The following NPAS3 variants were observed in gnomAD, a reference collection of about 807,000 sequenced individuals.
The protein encoded by NPAS3 is neuronal PAS domain-containing protein 3.
Under a neutral mutation model 73.1 loss-of-function variants are expected in NPAS3, and 14 were observed. That is an observed-to-expected ratio of 0.19 (90% CI 0.13 to 0.30). NPAS3 has a LOEUF of 0.30. Ranked by LOEUF, NPAS3 falls within the 10% of genes least tolerant of loss-of-function variation. The pLI is 1.00. For missense variants in NPAS3, 1,096 were observed against 1,250.0 expected (o/e 0.88, Z 1.86); for synonymous variants, 620 against 541.5 (o/e 1.14, Z -2.01).
chr14:33,466,020 G>A (rs749614153), intron 4 of NPAS3, among the ~76,000 whole-genome samples: 10 of 152,206 alleles, frequency 6.6e-5, no homozygotes, highest in Non-Finnish European at 1.5e-4. Context: ...AAAACACATA[G>A]CAGATGGGGA....
chr14:33,591,114 G>C (rs1454493399), intron 5 of NPAS3, among the ~76,000 whole-genome samples: 1 of 152,146 alleles, frequency 6.6e-6, no homozygotes, highest in East Asian at 1.9e-4. Context: ...TGTTTCTTAA[G>C]TGCAGCCACA....
intron 3 of NPAS3, among the ~76,000 whole-genome samples, chr14:33,354,467 C>T (rs1054613867): frequency 2.0e-5 from 3 of 152,182 alleles, no homozygotes; most frequent in Admixed American, 6.5e-5. Flanking sequence ...GCTTCTGCCT[C>T]TTTATAAATG....
intron 1 of NPAS3, among the ~76,000 whole-genome samples, chr14:33,025,061 C>T (rs991951607): frequency 6.6e-5 from 10 of 152,078 alleles, no homozygotes; most frequent in Non-Finnish European, 1.0e-4. Context: ...ATAAAAGTAA[C>T]GTATGTGTCT....
At chr14:33,649,634 C>T (rs2058934025) in intron 5 of NPAS3, among the ~76,000 whole-genome samples, 1 of 152,048 alleles carries the variant, frequency 6.6e-6, no homozygotes, top group Non-Finnish European at 1.5e-5. Flanking sequence ...ATAAGGAAGG[C>T]TTCATGAGGT....
intron 4 of NPAS3, among the ~76,000 whole-genome samples, chr14:33,507,695 T>C (rs2139978374): frequency 6.6e-6 from 1 of 152,164 alleles, no homozygotes; most frequent in Non-Finnish European, 1.5e-5. Context: ...TTTTACAGAA[T>C]TCAAATTATC....
At chr14:33,302,565 A>C (rs1269861202) in intron 3 of NPAS3, among the ~76,000 whole-genome samples, 1 of 152,236 alleles carries the variant, frequency 6.6e-6, no homozygotes, top group Non-Finnish European at 1.5e-5. Flanking sequence ...AGGCTTTGGA[A>C]TAGGAAAGCT....
At chr14:33,791,970 G>GT (rs1445996659) in intron 9 of NPAS3, among the ~76,000 whole-genome samples, 1 of 152,186 alleles carries the variant, frequency 6.6e-6, no homozygotes, top group Non-Finnish European at 1.5e-5. Flanking sequence ...TTGGGGTGCT[G>GT]TAAGTTTTCT....
At chr14:33,429,728 T>C (rs2048703646) in intron 4 of NPAS3, among the ~76,000 whole-genome samples, 1 of 152,130 alleles carries the variant, frequency 6.6e-6, no homozygotes, top group Admixed American at 6.6e-5. Context: ...ATGAGGAAGT[T>C]CAAAAGAATG....
chr14:33,676,779 A>G (rs971524679), intron 6 of NPAS3, among the ~76,000 whole-genome samples: 3 of 152,230 alleles, frequency 2.0e-5, no homozygotes, highest in Non-Finnish European at 4.4e-5. Context: ...TGGAGAATTA[A>G]AAGTATCAGG....
chr14:33,605,365 AAGG>A (rs1427610142), intron 5 of NPAS3, among the ~76,000 whole-genome samples: 4 of 150,464 alleles, frequency 2.7e-5, no homozygotes, highest in African/African-American at 4.9e-5. Context: ...GCAATAAAGC[AAGG>A]AGAAGAGATA....
rs533847492 is a variant in NPAS3 at position 33,492,699 on chromosome 14, G to A, written c.469-67422G>A. Among the ~76,000 whole-genome samples the A allele has an allele frequency of 4.6e-5, 7 of 152,284 alleles. No homozygotes were observed. The East Asian group carries it at 1.4e-3, about 29-fold the overall frequency. ...AAGCAAGGAGCTTCCCATCCACAGC[G>A]ATGTGTTATTGATGAGCTGGCATTT... On this transcript the variant is annotated intron_variant, in intron 4 of 11. Transcript: ENST00000356141.
intron 4 of NPAS3, among the ~76,000 whole-genome samples, chr14:33,391,538 C>T (rs949152480): frequency 1.3e-5 from 2 of 152,126 alleles, no homozygotes; most frequent in Non-Finnish European, 2.9e-5. Context: ...TTTTATATTT[C>T]ATTCAGGCTC....
At chr14:33,454,904 G>A (rs1040468627) in intron 4 of NPAS3, among the ~76,000 whole-genome samples, 2 of 152,134 alleles carry the variant, frequency 1.3e-5, no homozygotes, top group East Asian at 1.9e-4. Flanking sequence ...GAGAGGCAGC[G>A]TGCCCCCGGC....
chr14:33,799,918 T>C (rs770405870), exon 12 of NPAS3: 7 of 1,614,136 alleles, frequency 4.3e-6, no homozygotes, highest in Non-Finnish European at 5.9e-6. Context: ...ACTCGGACTT[T>C]GAGAACCCCA....
At chr14:32,944,542 T>C (rs1017809553) in intron 1 of NPAS3, among the ~76,000 whole-genome samples, 2 of 152,216 alleles carry the variant, frequency 1.3e-5, no homozygotes, top group Non-Finnish European at 2.9e-5. Flanking sequence ...GTTAGTATTT[T>C]CCCAGTAAAT....
At chr14:33,468,669 T>C (rs560827216) in intron 4 of NPAS3, among the ~76,000 whole-genome samples, 56 of 152,292 alleles carry the variant, frequency 3.7e-4, no homozygotes, top group African/African-American at 1.3e-3. Context: ...TCACAAAGTA[T>C]TGTTAAAAGT....
chr14:33,144,064 A>T (rs945382779), intron 2 of NPAS3, among the ~76,000 whole-genome samples: 1 of 152,320 alleles, frequency 6.6e-6, no homozygotes, highest in East Asian at 1.9e-4. Flanking sequence ...CAGTTCTTCT[A>T]GGTATATACC....
At chr14:32,971,640 A>G (rs1444051798) in intron 1 of NPAS3, among the ~76,000 whole-genome samples, 1 of 152,180 alleles carries the variant, frequency 6.6e-6, no homozygotes, top group East Asian at 1.9e-4. Flanking sequence ...TGTGAGCTCC[A>G]TTTTGGATCA....
intron 1 of NPAS3, among the ~76,000 whole-genome samples, chr14:32,998,079 A>G (rs1306025219): frequency 2.6e-5 from 4 of 152,226 alleles, no homozygotes; most frequent in East Asian, 3.9e-4. Flanking sequence ...ATGCTCATGC[A>G]TGTTCATAGC....
Sources: allele counts gnomAD v4.1 joint callset (sites outside exome capture counted in the v4.1 genomes callset), GRCh38; gene constraint gnomAD v4.1.1; transcripts MANE v1.5; gene names NCBI Gene and HGNC (gene_info 2026-07-23, HGNC 2026-07-21).